The following RASEF variants were observed in gnomAD, a reference collection of about 807,000 sequenced individuals.
RASEF encodes ras and EF-hand domain-containing protein.
In RASEF, 68 loss-of-function variants were observed where a neutral mutation model predicts 90.1. That is an observed-to-expected ratio of 0.75 (90% CI 0.62 to 0.92). RASEF has a LOEUF of 0.92. Ranked by LOEUF, RASEF falls within the 40% of genes least tolerant of loss-of-function variation. The pLI, the probability that RASEF is intolerant of heterozygous loss-of-function variation, is 0.00. For synonymous variants in RASEF, 331 were observed against 345.2 expected, an observed-to-expected ratio of 0.96 and a Z score of 0.46; for missense variants, 949 against 937.2, an observed-to-expected ratio of 1.01 and a Z score of -0.16.
At chr9:83,142,239 G>A in the RASEF span, among the ~76,000 whole-genome samples, 5 of 152,210 alleles carry the variant, frequency 3.3e-5, no homozygotes, top group East Asian at 9.7e-4. Context: ...CTTCCTCTGT[G>A]GAAAAATAAA....
the RASEF span, among the ~76,000 whole-genome samples, chr9:83,116,790 G>A: frequency 6.6e-6 from 1 of 152,062 alleles, no homozygotes; most frequent in South Asian, 2.1e-4. Context: ...CAAAGATAAG[G>A]ATTTGGGGGA....
chr9:82,998,336 T>C (rs770496384), intron 13 of RASEF, 29 bp downstream of exon 13: 3 of 1,471,670 alleles, frequency 2.0e-6, no homozygotes, highest in Non-Finnish European at 2.8e-6. Context: ...AAACCCAGGA[T>C]ATCCCATAGC....
the RASEF span, among the ~76,000 whole-genome samples, chr9:83,176,248 A>C: frequency 6.6e-6 from 1 of 152,158 alleles, no homozygotes; most frequent in Admixed American, 6.5e-5. Context: ...TCATTATGAA[A>C]TCTTGCTGTC....
chr9:83,149,851 A>G, the RASEF span, among the ~76,000 whole-genome samples: 1 of 152,186 alleles, frequency 6.6e-6, no homozygotes, highest in African/African-American at 2.4e-5. Flanking sequence ...TTCTATACCA[A>G]TGACCAATTC....
At chr9:83,046,334 G>T (rs1057040534) in intron 1 of RASEF, among the ~76,000 whole-genome samples, 1 of 152,090 alleles carries the variant, frequency 6.6e-6, no homozygotes, top group Non-Finnish European at 1.5e-5. Context: ...GCTTATTTGA[G>T]TATTCTCATT....
At chr9:83,063,509 C>A (rs974011958), upstream of RASEF, among the ~76,000 whole-genome samples, 6 of 152,204 alleles carry the variant, frequency 3.9e-5, no homozygotes, top group Non-Finnish European at 5.9e-5. Flanking sequence ...AAGTTTCTTA[C>A]AAACCAAAGT....
chr9:83,181,674 T>A, the RASEF span, among the ~76,000 whole-genome samples: 2 of 152,332 alleles, frequency 1.3e-5, no homozygotes, highest in East Asian at 3.9e-4. Context: ...GGCATTTCTA[T>A]GTGTTTATTT....
At chr9:83,057,569 G>A (rs749375257) in intron 1 of RASEF, among the ~76,000 whole-genome samples, 6 of 151,972 alleles carry the variant, frequency 3.9e-5, no homozygotes, top group East Asian at 1.9e-4. Context: ...TTAGGATCCC[G>A]GTTCAGAATC....
the RASEF span, among the ~76,000 whole-genome samples, chr9:83,196,891 C>A: frequency 6.6e-6 from 1 of 152,330 alleles, no homozygotes; most frequent in Non-Finnish European, 1.5e-5. Flanking sequence ...CTGTCAGAAC[C>A]ATTAAATCTT....
chr9:83,155,386 T>G, the RASEF span, among the ~76,000 whole-genome samples: 1 of 152,106 alleles, frequency 6.6e-6, no homozygotes, highest in Non-Finnish European at 1.5e-5. Context: ...GGCCTCACAA[T>G]CATGGCAGAA....
the RASEF span, among the ~76,000 whole-genome samples, chr9:83,138,460 C>G: frequency 6.6e-6 from 1 of 152,092 alleles, no homozygotes; most frequent in Non-Finnish European, 1.5e-5. Context: ...AACTTGACAC[C>G]ATAAAAATGC....
At chr9:83,060,592 T>A (rs1245797165) in intron 1 of RASEF, among the ~76,000 whole-genome samples, 1 of 152,152 alleles carries the variant, frequency 6.6e-6, no homozygotes, top group Non-Finnish European at 1.5e-5. Flanking sequence ...GCCGACAGCA[T>A]TATCAATAAC....
In RASEF at chr9:83,015,672, T is replaced by C. The variant is rs990656958; in HGVS notation, c.765+133A>G. 13 of 731,756 alleles carry C rather than the reference T, an allele frequency of 1.8e-5. 1 individual carries two copies. The Admixed American group carries it at 2.6e-4, about 15-fold the overall frequency. The allele number at this position is 731,756 out of a possible 1,614,324, so 45.3% of individuals were successfully genotyped here. ...TCCAGCCTGGGTGACAGAGCAAGACTCAGTCTCAAAACAAATCTGAAATCT... is the reference window on the plus strand; with the variant it reads ...TCCAGCCTGGGTGACAGAGCAAGACCCAGTCTCAAAACAAATCTGAAATCT... On this transcript the variant is annotated intron_variant, in intron 4 of 16. Coordinates refer to ENST00000376447, the MANE Select transcript of RASEF (RefSeq NM_152573.4).
chr9:83,113,600 T>TG, the RASEF span, among the ~76,000 whole-genome samples: 1 of 152,160 alleles, frequency 6.6e-6, no homozygotes, highest in African/African-American at 2.4e-5. Context: ...GGAATAACCC[T>TG]GGGGAAGGAA....
intron 14 of RASEF, among the ~76,000 whole-genome samples, chr9:82,993,812 C>T (rs534618172): frequency 1.3e-5 from 2 of 152,304 alleles, no homozygotes; most frequent in East Asian, 3.9e-4. Flanking sequence ...CAGCCCTCCA[C>T]CAGCTGGACC....
chr9:83,166,972 T>A, the RASEF span, among the ~76,000 whole-genome samples: 1 of 152,170 alleles, frequency 6.6e-6, no homozygotes, highest in Non-Finnish European at 1.5e-5. Context: ...TTAAAAGCAA[T>A]AGGGCCTGGT....
intron 15 of RASEF, among the ~76,000 whole-genome samples, chr9:82,992,144 G>T (rs1026932454): frequency 5.9e-5 from 9 of 152,082 alleles, no homozygotes; most frequent in Non-Finnish European, 1.3e-4. Context: ...GTTCACATAC[G>T]TATGCTACAG....
chr9:82,996,404 A>G (rs1652997280), intron 14 of RASEF, among the ~76,000 whole-genome samples: 1 of 152,232 alleles, frequency 6.6e-6, no homozygotes, highest in South Asian at 2.1e-4. Flanking sequence ...TTACCATGAA[A>G]CCAGAGGACA....
At chr9:82,983,060 T>C (rs1026678113) in intron 16 of RASEF, among the ~76,000 whole-genome samples, 1 of 149,040 alleles carries the variant, frequency 6.7e-6, no homozygotes, top group African/African-American at 2.5e-5. Context: ...AGAAGTGGGA[T>C]TAAAACCACA....
Sources: allele counts gnomAD v4.1 joint callset (sites outside exome capture counted in the v4.1 genomes callset), GRCh38; gene constraint gnomAD v4.1.1; transcripts MANE v1.5; gene names NCBI Gene and HGNC (gene_info 2026-07-23, HGNC 2026-07-21).